The following KCNQ5 variants were observed in gnomAD, a reference collection of about 807,000 sequenced individuals.
The protein encoded by KCNQ5 is potassium voltage-gated channel subfamily KQT member 5.
Under a neutral mutation model 98.2 loss-of-function variants are expected in KCNQ5, and 30 were observed. The ratio of observed to expected loss-of-function variants is 0.31; its 90% CI spans 0.23 to 0.41. The LOEUF (loss-of-function observed/expected upper bound fraction) is 0.41. Among genes scored for constraint, KCNQ5 ranks in the 10% least tolerant of loss-of-function variants. The pLI is 1.00. For missense variants in KCNQ5, 835 were observed against 1,182.5 expected (o/e 0.71, Z 4.31); for synonymous variants, 458 against 449.4 (o/e 1.02, Z -0.24).
chr6:72,724,289 A>G (rs957483555), intron 1 of KCNQ5, among the ~76,000 whole-genome samples: 4 of 152,226 alleles, frequency 2.6e-5, no homozygotes, highest in African/African-American at 7.2e-5. Context: ...AGAAAAAAGT[A>G]TACTTGAATA....
intron 1 of KCNQ5, among the ~76,000 whole-genome samples, chr6:72,762,284 T>C (rs1449983934): frequency 6.6e-6 from 1 of 151,980 alleles, no homozygotes; most frequent in Non-Finnish European, 1.5e-5. Context: ...TTGGTTTTAG[T>C]TTTGTGAGAC....
At chr6:73,156,266 C>A (rs1210623250) in intron 10 of KCNQ5, among the ~76,000 whole-genome samples, 1 of 152,180 alleles carries the variant, frequency 6.6e-6, no homozygotes, top group Non-Finnish European at 1.5e-5. Flanking sequence ...TTAATAGTAG[C>A]CATTTTAATA....
chr6:72,670,159 T>A (rs1767028613), intron 1 of KCNQ5, among the ~76,000 whole-genome samples: 1 of 152,212 alleles, frequency 6.6e-6, no homozygotes, highest in Non-Finnish European at 1.5e-5. Context: ...ATAACAAGGA[T>A]CAACTTTCCT....
chr6:73,110,947 A>G (rs942625264), intron 6 of KCNQ5, among the ~76,000 whole-genome samples: 3 of 152,190 alleles, frequency 2.0e-5, no homozygotes, highest in African/African-American at 7.2e-5. Context: ...AGACCATTCA[A>G]TCTAACTTAG....
intron 1 of KCNQ5, among the ~76,000 whole-genome samples, chr6:72,804,505 C>T (rs1219485112): frequency 6.6e-6 from 1 of 152,072 alleles, no homozygotes; most frequent in Non-Finnish European, 1.5e-5. Flanking sequence ...GACAGAATCT[C>T]ACTCTTCTTT....
At chr6:72,921,843 C>T (rs1780413720) in intron 1 of KCNQ5, among the ~76,000 whole-genome samples, 1 of 152,160 alleles carries the variant, frequency 6.6e-6, no homozygotes, top group African/African-American at 2.4e-5. Context: ...TAATTCATAA[C>T]TCACTGAATC....
intron 1 of KCNQ5, among the ~76,000 whole-genome samples, chr6:72,792,243 T>C (rs1438305031): frequency 3.9e-5 from 6 of 152,232 alleles, no homozygotes; most frequent in Non-Finnish European, 7.3e-5. Flanking sequence ...CTTTCTCTTT[T>C]ACCATGCCCA....
chr6:73,089,872 C>T (rs944224368), intron 5 of KCNQ5, among the ~76,000 whole-genome samples: 13 of 152,170 alleles, frequency 8.5e-5, no homozygotes, highest in Admixed American at 1.3e-4. Context: ...CTGCTATAAA[C>T]ATGCATGTGC....
In KCNQ5 at chr6:72,709,070, C is replaced by G. The variant is rs191901138; in HGVS notation, c.398+86483C>G. Among the ~76,000 whole-genome samples the G allele has an allele frequency of 3.0e-3, 458 of 152,268 alleles. 2 individuals carry two copies. The highest frequency in any genetic ancestry group is 4.7e-3 in the Non-Finnish European group (323 of 68,018). On this transcript the variant is annotated intron_variant, in intron 1 of 13. Coordinates refer to ENST00000370398, the MANE Select transcript of KCNQ5 (RefSeq NM_019842.4). The stretch of plus-strand genomic sequence containing the variant: ...AATGTTGATCAGTTTTGTTGAACTC[C>G]TGTCCTCAACTGATCCACCCACCTT...
At chr6:72,672,264 AT>A (rs1371533133) in intron 1 of KCNQ5, among the ~76,000 whole-genome samples, 1 of 151,710 alleles carries the variant, frequency 6.6e-6, no homozygotes, top group Non-Finnish European at 1.5e-5. Flanking sequence ...CGCCTGGCTA[AT>A]TTTTGTAATT....
intron 3 of KCNQ5, among the ~76,000 whole-genome samples, chr6:73,074,754 T>C (rs927922092): frequency 4.7e-4 from 3 of 6,444 alleles, no homozygotes; most frequent in Non-Finnish European, 1.1e-3. Context: ...GTAATGTTTA[T>C]TAAAAAAAAA....
chr6:72,784,631 T>G (rs2154477983), intron 1 of KCNQ5, among the ~76,000 whole-genome samples: 1 of 152,328 alleles, frequency 6.6e-6, no homozygotes, highest in Admixed American at 6.5e-5. Flanking sequence ...TGTGTCATCC[T>G]CATGTTCGTC....
Position 73,011,748 on chromosome 6 carries a change from T to C in KCNQ5, c.489+7750T>C, listed in dbSNP as rs543396721. ...TGAGAAGGGGTTAATATCTGGACTA[T>C]GTAGAGAATTTCTGAAACTCAACAA... is the stretch of plus-strand genomic sequence containing the variant. On this transcript the variant is annotated intron_variant, in intron 2 of 13. Transcript: ENST00000370398. Among the ~76,000 whole-genome samples, 130 of 152,150 alleles carry C rather than the reference T, an allele frequency of 8.5e-4. 1 individual carries two copies. The highest frequency in any genetic ancestry group is 3.0e-3 in the African/African-American group (126 of 41,540).
rs78797633 is a variant in KCNQ5 at position 72,742,943 on chromosome 6, C to T, written c.398+120356C>T. Among the ~76,000 whole-genome samples the T allele has an allele frequency of 3.5e-3, 532 of 152,124 alleles. 4 individuals carry two copies. Among genetic ancestry groups the T allele is most frequent in the African/African-American group, 0.012 (496 of 41,506 alleles). On this transcript the variant is annotated intron_variant, in intron 1 of 13. Coordinates refer to ENST00000370398, the MANE Select transcript of KCNQ5 (RefSeq NM_019842.4). ...TCCTTATACTGTAACTAAAAGAAAC[C>T]GGAAATATTCTTGCTTCTTTGAAAA...
chr6:73,094,210 A>C (rs954733473), intron 5 of KCNQ5, among the ~76,000 whole-genome samples: 1 of 152,082 alleles, frequency 6.6e-6, no homozygotes, highest in African/African-American at 2.4e-5. Context: ...TTGTCTAAGA[A>C]TAGGTACTCC....
chr6:72,694,118 A>G (rs1768358475), intron 1 of KCNQ5, among the ~76,000 whole-genome samples: 1 of 152,186 alleles, frequency 6.6e-6, no homozygotes, highest in South Asian at 2.1e-4. Context: ...CTGAGAATGT[A>G]GTAAGAAATT....
intron 5 of KCNQ5, among the ~76,000 whole-genome samples, chr6:73,093,019 T>C (rs534323848): frequency 6.6e-6 from 1 of 152,300 alleles, no homozygotes; most frequent in East Asian, 1.9e-4. Context: ...AGAATTCTGC[T>C]GTGAATCCAT....
chr6:72,724,587 A>G (rs1160374631), intron 1 of KCNQ5, among the ~76,000 whole-genome samples: 1 of 152,210 alleles, frequency 6.6e-6, no homozygotes, highest in Non-Finnish European at 1.5e-5. Context: ...GAACTTACAC[A>G]CACACACCAC....
intron 1 of KCNQ5, among the ~76,000 whole-genome samples, chr6:72,801,879 C>G (rs1011743085): frequency 1.3e-5 from 2 of 151,306 alleles, no homozygotes; most frequent in African/African-American, 4.8e-5. Flanking sequence ...TTCTCCTTCA[C>G]TTATGAAGCT....
Sources: allele counts gnomAD v4.1 joint callset (sites outside exome capture counted in the v4.1 genomes callset), GRCh38; gene constraint gnomAD v4.1.1; transcripts MANE v1.5; gene names NCBI Gene and HGNC (gene_info 2026-07-23, HGNC 2026-07-21).